USP7: variants seen among roughly 807,000 people sequenced by gnomAD.
USP7 encodes the protein ubiquitin specific peptidase 7.
Under a neutral mutation model 162.9 loss-of-function variants are expected in USP7, and 9 were observed. The ratio of observed to expected loss-of-function variants is 0.06; its 90% CI spans 0.03 to 0.10. The LOEUF (loss-of-function observed/expected upper bound fraction) is 0.10. Ranked by LOEUF, USP7 falls within the 10% of genes least tolerant of loss-of-function variation. The probability of loss-of-function intolerance (pLI) is 1.00; values close to 1 mark genes in which losing one functional copy is unlikely to be tolerated. For missense variants in USP7, 715 were observed against 1,373.7 expected (o/e 0.52, Z 7.58); for synonymous variants, 562 against 475.9 (o/e 1.18, Z -2.35).
At chr16:8,948,767 G>A (rs1036287610) in intron 1 of USP7, among the ~76,000 whole-genome samples, 4 of 151,968 alleles carry the variant, frequency 2.6e-5, no homozygotes, top group African/African-American at 9.7e-5. Context: ...CCAAAAACAA[G>A]CATGGAAAAC....
Position 8,913,068 on chromosome 16 carries a change from A to G in USP7, c.1078+2186T>C, listed in dbSNP as rs140760758. Among the ~76,000 whole-genome samples, 755 of 152,256 alleles carry G rather than the reference A, an allele frequency of 5.0e-3. 6 individuals are homozygous for G. Among genetic ancestry groups the G allele is most frequent in the African/African-American group, 0.017 (704 of 41,538 alleles). On this transcript the variant is annotated intron_variant, in intron 10 of 30. Transcript: ENST00000344836. ...GAGAAGGAAAAAACCTTAAAAGCACATGGGGGGCTGGGCACGGTGGCTCAC... is the reference window on the plus strand; with the variant it reads ...GAGAAGGAAAAAACCTTAAAAGCACGTGGGGGGCTGGGCACGGTGGCTCAC...
chr16:8,934,554 T>C (rs1490266664), intron 1 of USP7, among the ~76,000 whole-genome samples: 1 of 152,270 alleles, frequency 6.6e-6, no homozygotes, highest in Non-Finnish European at 1.5e-5. Context: ...TATTATTTTC[T>C]GAAATGGTTC....
chr16:8,957,324 T>C lies in USP7; in HGVS notation c.79+5883A>G, dbSNP rs370659133. ...CAAGTAATTTCTAAAGTAGGTGACA[T>C]TTAACATCTAACTCTGTCATGGTAC... On this transcript the variant is annotated intron_variant, in intron 1 of 30. Coordinates refer to ENST00000344836, the MANE Select transcript of USP7 (RefSeq NM_003470.3). Among the ~76,000 whole-genome samples the C allele has an allele frequency of 5.9e-5, 9 of 152,370 alleles. No homozygotes were observed. In the South Asian group the frequency reaches 1.5e-3, roughly 25 times the overall value.
In USP7 at chr16:8,948,990, T is replaced by C. The variant is rs142960410; in HGVS notation, c.79+14217A>G. Among the ~76,000 whole-genome samples the C allele has an allele frequency of 8.5e-5, 13 of 152,208 alleles. No individual in the cohort carries two copies. In the East Asian group the frequency reaches 2.1e-3, roughly 25 times the overall value. On this transcript the variant is annotated intron_variant, in intron 1 of 30. Coordinates refer to ENST00000344836, the MANE Select transcript of USP7 (RefSeq NM_003470.3). ...GGGAAAAAAAAAAGCTTACACAGTCTATGAAATGTCTAGAATAGGCAAATC... is the reference window on the plus strand; with the variant it reads ...GGGAAAAAAAAAAGCTTACACAGTCCATGAAATGTCTAGAATAGGCAAATC...
intron 5 of USP7, among the ~76,000 whole-genome samples, 200 bp from the exon 6 acceptor site, chr16:8,919,339 C>T (rs1897549725): frequency 6.6e-6 from 1 of 152,008 alleles, no homozygotes. Context: ...CCCACATTCG[C>T]ACAGCCCTCG....
intron 8 of USP7, 55 bp from the exon 9 acceptor site, chr16:8,915,580 C>CA: frequency 7.0e-6 from 10 of 1,435,832 alleles, no homozygotes; most frequent in Non-Finnish European, 9.6e-6. Flanking sequence ...GTAATATATA[C>CA]AGTAATTTTA....
chr16:8,938,823 C>G (rs1444503279), intron 1 of USP7, among the ~76,000 whole-genome samples: 1 of 152,074 alleles, frequency 6.6e-6, no homozygotes. Flanking sequence ...AGCATTTACA[C>G]TGTATTAGAT....
At chr16:8,910,243 G>A (rs182452546) in intron 11 of USP7, among the ~76,000 whole-genome samples, 47 of 152,224 alleles carry the variant, frequency 3.1e-4, no homozygotes, top group African/African-American at 1.0e-3. Flanking sequence ...AGCGGGGGCT[G>A]GCCACCTGGT....
Position 8,962,532 on chromosome 16 carries a change from C to G in USP7, c.79+675G>C, listed in dbSNP as rs775549727. The G allele has an allele frequency of 4.6e-4, 203 of 444,674 alleles. 1 individual carries two copies. The highest frequency in any genetic ancestry group is 5.1e-4 in the Admixed American group (21 of 41,204). 27.5% of individuals were successfully genotyped at this position (444,674 alleles called of 1,614,324 possible). ...AGCCATGTGCGGCAGGGCTTTCGCA[C>G]GGTTGCAAGCGCACACCTGGCCGGA... On this transcript the variant is annotated intron_variant, in intron 1 of 30. Transcript: ENST00000344836.
At chr16:8,939,964 G>A (rs768365905) in intron 1 of USP7, among the ~76,000 whole-genome samples, 3 of 152,154 alleles carry the variant, frequency 2.0e-5, no homozygotes, top group Non-Finnish European at 4.4e-5. Flanking sequence ...CAAGCATGGT[G>A]GCACATGCCT....
At chr16:8,957,203 AC>A (rs1226047643) in intron 1 of USP7, among the ~76,000 whole-genome samples, 1 of 152,240 alleles carries the variant, frequency 6.6e-6, no homozygotes, top group Admixed American at 6.5e-5. Flanking sequence ...GCATGTGTTA[AC>A]TTACTAGAAA....
In USP7 at chr16:8,904,429, G is replaced by T. The variant is rs755749063; in HGVS notation, c.1704+6C>A. On this transcript the variant is annotated splice_donor_region_variant and intron_variant, in intron 15 of 30. Coordinates refer to ENST00000344836, the MANE Select transcript of USP7 (RefSeq NM_003470.3). ...GACCCGGAGTCCCAGAAGGGCGGGG[G>T]CTGACCTGCACTTGCATATAGAGAT... 2 of 1,613,088 alleles carry T rather than the reference G, an allele frequency of 1.2e-6. No individual in the cohort carries two copies. Among genetic ancestry groups the T allele is most frequent in the South Asian group, 2.2e-5 (2 of 91,022 alleles).
At chr16:8,954,515 T>C (rs1157947529) in intron 1 of USP7, among the ~76,000 whole-genome samples, 1 of 152,200 alleles carries the variant, frequency 6.6e-6, no homozygotes, top group Admixed American at 6.5e-5. Context: ...CTGTTAACCG[T>C]AACTCAAAAA....
intron 18 of USP7, 187 bp downstream of exon 18, chr16:8,901,895 C>A: frequency 3.3e-6 from 2 of 600,710 alleles, no homozygotes; most frequent in Non-Finnish European, 5.9e-6. Flanking sequence ...TGTCTCCGGG[C>A]CTCACAGGAA....
At chr16:8,928,815 T>C (rs1038585966) in intron 2 of USP7, among the ~76,000 whole-genome samples, 1 of 152,120 alleles carries the variant, frequency 6.6e-6, no homozygotes, top group African/African-American at 2.4e-5. Context: ...TTTAGTGAAA[T>C]GTACCTCAAA....
chr16:8,938,528 C>A, intron 1 of USP7, among the ~76,000 whole-genome samples: 1 of 151,884 alleles, frequency 6.6e-6, no homozygotes, highest in South Asian at 2.1e-4. Flanking sequence ...CTGGCTAACA[C>A]GGTGAAACGC....
chr16:8,917,163 C>T lies in USP7; in HGVS notation c.721-7G>A. 6.3e-7 allele frequency: 1 copy of T among 1,585,190 alleles called. No individual in the cohort carries two copies. The highest frequency in any genetic ancestry group is 8.5e-7 in the Non-Finnish European group (1 of 1,171,946). ...TTGGCATCATGTACACAGCCTGAAA[C>T]AATTAAGAAATAAGAATTTTTACTC... On this transcript the variant is annotated splice_polypyrimidine_tract_variant and splice_region_variant and intron_variant, in intron 6 of 30. Coordinates refer to ENST00000344836, the MANE Select transcript of USP7 (RefSeq NM_003470.3).
At chr16:8,923,495 T>C in intron 2 of USP7, 82 bp from the exon 3 acceptor site, 2 of 1,434,040 alleles carry the variant, frequency 1.4e-6, no homozygotes, top group Non-Finnish European at 1.9e-6. Flanking sequence ...AGTAAACTGT[T>C]CTATACATCC....
At chr16:8,947,994 C>G (rs1001434332) in intron 1 of USP7, among the ~76,000 whole-genome samples, 4 of 152,168 alleles carry the variant, frequency 2.6e-5, no homozygotes, top group African/African-American at 9.7e-5. Flanking sequence ...GACATGGTGA[C>G]AGGCACTTTG....
Sources: gnomAD v4.1 joint callset for allele counts (sites outside exome capture counted in the v4.1 genomes callset) on GRCh38, gnomAD v4.1.1 for gene constraint, MANE v1.5 for transcripts, NCBI Gene and HGNC (gene_info 2026-07-23, HGNC 2026-07-21) for gene names.